The following FAM110B variants were observed in gnomAD, a reference collection of about 807,000 sequenced individuals.
The protein encoded by FAM110B is family with sequence similarity 110 member B.
In FAM110B, 6 loss-of-function variants were observed where a neutral mutation model predicts 20.4. The ratio of observed to expected loss-of-function variants is 0.29; its 90% CI spans 0.16 to 0.58. FAM110B has a LOEUF of 0.58. Among genes scored for constraint, FAM110B ranks in the 20% least tolerant of loss-of-function variants. The probability of loss-of-function intolerance (pLI) is 0.90; values close to 1 mark genes in which losing one functional copy is unlikely to be tolerated. For missense variants in FAM110B, 434 were observed against 498.2 expected, an observed-to-expected ratio of 0.87 and a Z score of 1.23; for synonymous variants, 226 against 214.1, an observed-to-expected ratio of 1.06 and a Z score of -0.49.
At chr8:58,123,658 G>A (rs1263474997) in intron 3 of FAM110B, among the ~76,000 whole-genome samples, 7 of 152,116 alleles carry the variant, frequency 4.6e-5, no homozygotes, top group African/African-American at 1.7e-4. Context: ...TGCAGAAAAT[G>A]CTAAATTCTG....
rs534005042 is a variant in FAM110B at position 58,102,091 on chromosome 8, A to G, written c.-325+26468A>G. Among the ~76,000 whole-genome samples, 47 of 152,250 alleles carry G rather than the reference A, an allele frequency of 3.1e-4. 1 individual carries two copies. Among genetic ancestry groups the G allele is most frequent in the Non-Finnish European group, 5.0e-4 (34 of 68,050 alleles). ...ATCTTACTTTTCCTTTCATTCAACA[A>G]TGATAACTTATTCGCCAACACTTTT... On this transcript the variant is annotated intron_variant, in intron 3 of 3. Transcript: ENST00000519262.
chr8:58,085,295 T>G (rs1205556439), intron 3 of FAM110B, among the ~76,000 whole-genome samples: 3 of 152,136 alleles, frequency 2.0e-5, no homozygotes, highest in Non-Finnish European at 1.5e-5. Flanking sequence ...GGCAGATTAC[T>G]TGAGGTCAGA....
chr8:58,104,531 A>G (rs1806863388), intron 3 of FAM110B, among the ~76,000 whole-genome samples: 1 of 152,208 alleles, frequency 6.6e-6, no homozygotes, highest in Non-Finnish European at 1.5e-5. Context: ...AAATATTAAA[A>G]AGTTGACCTG....
chr8:58,000,361 A>ATCACAT (rs1804268686), intron 1 of FAM110B, among the ~76,000 whole-genome samples: 1 of 152,216 alleles, frequency 6.6e-6, no homozygotes, highest in Non-Finnish European at 1.5e-5. Flanking sequence ...TACTTATGAT[A>ATCACAT]TCACATCTCA....
At chr8:58,103,663 C>A (rs1000426913) in intron 3 of FAM110B, among the ~76,000 whole-genome samples, 6 of 152,116 alleles carry the variant, frequency 3.9e-5, no homozygotes, top group African/African-American at 1.2e-4. Context: ...TCCGGCACAT[C>A]CTGTTTTCTA....
chr8:58,110,883 T>G (rs1013844622), intron 3 of FAM110B, among the ~76,000 whole-genome samples: 3 of 152,192 alleles, frequency 2.0e-5, no homozygotes, highest in South Asian at 2.1e-4. Flanking sequence ...TATAAAAGTT[T>G]GTCTTTAAAT....
chr8:58,108,652 G>A (rs1806978281), intron 3 of FAM110B, among the ~76,000 whole-genome samples: 1 of 152,230 alleles, frequency 6.6e-6, no homozygotes, highest in African/African-American at 2.4e-5. Flanking sequence ...CCTGCTCCAT[G>A]ACCGTCCTCA....
intron 2 of FAM110B, among the ~76,000 whole-genome samples, chr8:58,068,448 C>T (rs1805820280): frequency 6.6e-6 from 1 of 152,148 alleles, no homozygotes; most frequent in South Asian, 2.1e-4. Context: ...TGGTTTGTTT[C>T]CCAACAGTTT....
chr8:57,995,567 T>C (rs1226403006), intron 1 of FAM110B, among the ~76,000 whole-genome samples: 1 of 152,206 alleles, frequency 6.6e-6, no homozygotes, highest in Non-Finnish European at 1.5e-5. Flanking sequence ...CCCAGCCTGG[T>C]GCCCTCCTAT....
At chr8:58,048,935 G>A (rs1805384845) in intron 2 of FAM110B, among the ~76,000 whole-genome samples, 1 of 152,168 alleles carries the variant, frequency 6.6e-6, no homozygotes. Flanking sequence ...GGATTATCGT[G>A]GGGAAGTCTC....
intron 1 of FAM110B, among the ~76,000 whole-genome samples, chr8:58,005,619 C>T (rs1804387978): frequency 6.6e-6 from 1 of 152,172 alleles, no homozygotes; most frequent in Non-Finnish European, 1.5e-5. Flanking sequence ...GAAACAAAAA[C>T]AGTGGTGTCG....
chr8:57,999,346 A>G (rs1034105978), intron 1 of FAM110B, among the ~76,000 whole-genome samples: 20 of 152,196 alleles, frequency 1.3e-4, no homozygotes, highest in African/African-American at 3.6e-4. Flanking sequence ...CCAGTTCCAG[A>G]TGAGGCTTTT....
chr8:58,004,423 T>C (rs1241218665), intron 1 of FAM110B, among the ~76,000 whole-genome samples: 1 of 152,262 alleles, frequency 6.6e-6, no homozygotes, highest in Non-Finnish European at 1.5e-5. Flanking sequence ...CTTGCACTTC[T>C]ATGTTATGGA....
At chr8:58,104,852 C>T (rs1378352750) in intron 3 of FAM110B, among the ~76,000 whole-genome samples, 1 of 152,024 alleles carries the variant, frequency 6.6e-6, no homozygotes, top group Non-Finnish European at 1.5e-5. Flanking sequence ...CAGAAGTCCA[C>T]CTTCTCTTGG....
chr8:58,016,169 A>G (rs1440787722), intron 1 of FAM110B, among the ~76,000 whole-genome samples: 1 of 152,160 alleles, frequency 6.6e-6, no homozygotes, highest in Admixed American at 6.5e-5. Context: ...CTTTGATGGT[A>G]TTTTTTAAAT....
chr8:58,038,755 C>CAAA (rs11420646), intron 2 of FAM110B, among the ~76,000 whole-genome samples: 1 of 138,282 alleles, frequency 7.2e-6, no homozygotes, highest in African/African-American at 2.6e-5. Flanking sequence ...GACTCTGTCT[C>CAAA]AAAAAAAAAA....
chr8:58,028,386 G>C (rs572294285), intron 1 of FAM110B, among the ~76,000 whole-genome samples: 1 of 152,200 alleles, frequency 6.6e-6, no homozygotes. Context: ...GATTACAGGC[G>C]TGAGCCACTG....
At position 58,031,628 on chromosome 8, in the gene FAM110B, G is replaced by A. The variant is rs979511011; in HGVS notation, c.-489G>A. ...TAGAAATCTCCAAATTGGACATCCA[G>A]AGCAGCATTCTTGTTCTGTCTACGT... On this transcript the variant is annotated 5_prime_UTR_variant, in exon 2 of 4. Coordinates refer to ENST00000519262, the MANE Select transcript of FAM110B (RefSeq NM_001377989.1). 6.6e-6 allele frequency: 1 copy of A among 152,154 alleles called. No homozygotes were observed. Among genetic ancestry groups the A allele is most frequent in the Non-Finnish European group, 1.5e-5 (1 of 68,030 alleles). 9.4% of individuals were successfully genotyped at this position (152,154 alleles called of 1,614,324 possible). A position where few individuals can be genotyped will look rare whatever the true frequency, so the allele number is the denominator to read the frequency against.
At chr8:58,106,930 G>A (rs1367504280) in intron 3 of FAM110B, among the ~76,000 whole-genome samples, 1 of 152,204 alleles carries the variant, frequency 6.6e-6, no homozygotes, top group African/African-American at 2.4e-5. Context: ...CTGACGATAA[G>A]CGAGTTTTAA....
Sources: gnomAD v4.1 joint callset for allele counts (sites outside exome capture counted in the v4.1 genomes callset) on GRCh38, gnomAD v4.1.1 for gene constraint, MANE v1.5 for transcripts, NCBI Gene and HGNC (gene_info 2026-07-23, HGNC 2026-07-21) for gene names.